The following EXOC6 variants were observed in gnomAD, a reference collection of about 807,000 sequenced individuals.
EXOC6 encodes the protein exocyst complex component 6.
A neutral mutation model predicts 112.5 loss-of-function variants in EXOC6; 60 were observed. The observed-to-expected ratio is 0.53, with a 90% CI of 0.43 to 0.66. EXOC6 has a LOEUF of 0.66. Among genes scored for constraint, EXOC6 ranks in the 30% least tolerant of loss-of-function variants. The pLI, the probability that EXOC6 is intolerant of heterozygous loss-of-function variation, is 0.00. For missense variants in EXOC6, 855 were observed against 957.1 expected (o/e 0.89, Z 1.41); for synonymous variants, 295 against 308.0 (o/e 0.96, Z 0.44).
At chr10:93,038,401 T>C (rs58622557) in intron 20 of EXOC6, among the ~76,000 whole-genome samples, 2,206 of 152,336 alleles carry the variant, frequency 0.014, 55 homozygotes, top group African/African-American at 0.05. Context: ...AAGAAATGTT[T>C]GTGTAAATTA....
At chr10:92,861,836 A>G (rs1847927081) in intron 1 of EXOC6, among the ~76,000 whole-genome samples, 1 of 152,222 alleles carries the variant, frequency 6.6e-6, no homozygotes, top group Admixed American at 6.5e-5. Flanking sequence ...GTGTTTTAAA[A>G]AAATAATTTT....
At chr10:92,885,907 A>G (rs1849189879) in intron 1 of EXOC6, among the ~76,000 whole-genome samples, 1 of 151,792 alleles carries the variant, frequency 6.6e-6, no homozygotes, top group Admixed American at 6.6e-5. Context: ...ACTAAGGTAT[A>G]CTCTTATTGG....
At chr10:92,986,830 T>G (rs1843029793) in intron 18 of EXOC6, among the ~76,000 whole-genome samples, 1 of 152,140 alleles carries the variant, frequency 6.6e-6, no homozygotes. Context: ...TCCTTAATGT[T>G]TTTAAGGAAT....
At chr10:92,955,509 C>A in intron 16 of EXOC6, 71 bp from the exon 17 acceptor site, 1 of 1,251,254 alleles carries the variant, frequency 8.0e-7, no homozygotes, top group Admixed American at 2.1e-5. Flanking sequence ...GTAATAATCC[C>A]ATTTTTAAAA....
In EXOC6 at chr10:92,997,598, A is replaced by G. The variant is rs1843552717; in HGVS notation, c.2078A>G (p.Asp693Gly). ...GGAGCTGTTCAGCAGTTTAACTTAG[A>G]TGTCATACAGTGTGAATGTAAGTAC... The part of the protein sequence containing the change: ...SMGAVQQFNL[D>G]VIQCELFASS... The change falls in exon 19 of 22, where the codon GAT (aspartate) becomes GGT (glycine). Residue 693 changes from aspartate to glycine, a missense_variant. By Grantham distance (94) the Asp-to-Gly change is moderately conservative. Coordinates refer to ENST00000260762, the MANE Select transcript of EXOC6 (RefSeq NM_019053.6). 1 of 1,612,048 alleles carries G rather than the reference A, an allele frequency of 6.2e-7. No homozygotes were observed. Among genetic ancestry groups the G allele is most frequent in the Non-Finnish European group, 8.5e-7 (1 of 1,178,870 alleles).
intron 9 of EXOC6, among the ~76,000 whole-genome samples, chr10:92,933,121 G>T (rs192305993): frequency 6.6e-6 from 1 of 152,054 alleles, no homozygotes; most frequent in Admixed American, 6.6e-5. Flanking sequence ...GTGTGCTTTT[G>T]AGTTGATAAA....
intron 20 of EXOC6, among the ~76,000 whole-genome samples, chr10:93,028,606 A>C (rs1845125972): frequency 6.6e-6 from 1 of 152,142 alleles, no homozygotes; most frequent in Admixed American, 6.5e-5. Context: ...AGGCCGAGGC[A>C]GGTGGATCAC....
intron 7 of EXOC6, among the ~76,000 whole-genome samples, chr10:92,916,202 A>G (rs1009474910): frequency 1.4e-5 from 2 of 145,614 alleles, no homozygotes; most frequent in African/African-American, 5.2e-5. Flanking sequence ...AGCCGCTTAC[A>G]TGTGAACACT....
chr10:93,011,476 G>T (rs1844244077), intron 19 of EXOC6, among the ~76,000 whole-genome samples: 1 of 151,920 alleles, frequency 6.6e-6, no homozygotes, highest in African/African-American at 2.4e-5. Flanking sequence ...GCCCAGGCTG[G>T]TCTTAAACTC....
intron 18 of EXOC6, among the ~76,000 whole-genome samples, chr10:92,980,589 C>A (rs1842791343): frequency 6.6e-6 from 1 of 151,944 alleles, no homozygotes; most frequent in African/African-American, 2.4e-5. Flanking sequence ...TGAAAATGTT[C>A]TTTATTATGA....
At chr10:92,939,803 G>A (rs1564846319) in intron 12 of EXOC6, among the ~76,000 whole-genome samples, 1 of 152,122 alleles carries the variant, frequency 6.6e-6, no homozygotes, top group Non-Finnish European at 1.5e-5. Flanking sequence ...AGAATTCAAA[G>A]CAGAGGAATT....
intron 17 of EXOC6, among the ~76,000 whole-genome samples, chr10:92,957,299 C>G (rs1389869790): frequency 6.6e-6 from 1 of 152,044 alleles, no homozygotes; most frequent in African/African-American, 2.4e-5. Flanking sequence ...TACCCAGTAC[C>G]CTCTGATTAA....
intron 20 of EXOC6, among the ~76,000 whole-genome samples, chr10:93,018,532 AAT>A (rs1394362233): frequency 1.3e-5 from 2 of 152,094 alleles, no homozygotes; most frequent in Non-Finnish European, 2.9e-5. Flanking sequence ...CCCTTACCAA[AAT>A]ATGATTGCTG....
At chr10:92,849,046 C>A (rs1847193173) in intron 1 of EXOC6, among the ~76,000 whole-genome samples, 3 of 152,104 alleles carry the variant, frequency 2.0e-5, no homozygotes, top group Admixed American at 2.0e-4. Flanking sequence ...GGGTCGACAG[C>A]AGGCACCCGG....
intron 17 of EXOC6, among the ~76,000 whole-genome samples, chr10:92,967,999 T>C (rs1453634159): frequency 6.6e-6 from 1 of 152,152 alleles, no homozygotes; most frequent in Non-Finnish European, 1.5e-5. Flanking sequence ...TTTATATTGC[T>C]TTGAGAAAAT....
intron 6 of EXOC6, 61 bp downstream of exon 6, chr10:92,909,692 C>A: frequency 2.0e-6 from 2 of 1,013,122 alleles, no homozygotes; most frequent in Non-Finnish European, 2.9e-6. Flanking sequence ...GGAAAATATC[C>A]AAGGTTTACT....
chr10:92,948,582 T>TACTACTACC (rs1853190756), intron 14 of EXOC6, among the ~76,000 whole-genome samples: 2 of 148,134 alleles, frequency 1.4e-5, no homozygotes, highest in African/African-American at 5.0e-5. Flanking sequence ...CCACTACTAC[T>TACTACTACC]ACTACTACTA....
intron 17 of EXOC6, among the ~76,000 whole-genome samples, chr10:92,972,081 T>G (rs1476151457): frequency 1.3e-5 from 2 of 152,214 alleles, no homozygotes; most frequent in Admixed American, 1.3e-4. Context: ...CAGATCTGCT[T>G]AAAAGCCTGG....
At chr10:92,977,980 A>G (rs1226198275) in intron 18 of EXOC6, among the ~76,000 whole-genome samples, 3 of 152,340 alleles carry the variant, frequency 2.0e-5, no homozygotes, top group Non-Finnish European at 2.9e-5. Context: ...CTGAGTCTTC[A>G]TATGCCATTT....
Sources: gnomAD v4.1 joint callset for allele counts (sites outside exome capture counted in the v4.1 genomes callset) on GRCh38, gnomAD v4.1.1 for gene constraint, MANE v1.5 for transcripts, NCBI Gene and HGNC (gene_info 2026-07-23, HGNC 2026-07-21) for gene names.